FAM81A: variants seen among roughly 807,000 people sequenced by gnomAD.
FAM81A encodes the protein family with sequence similarity 81 member A.
Under a neutral mutation model 46.7 loss-of-function variants are expected in FAM81A, and 19 were observed. The observed-to-expected ratio is 0.41, with a 90% CI of 0.28 to 0.60. The LOEUF (loss-of-function observed/expected upper bound fraction) is 0.60, where lower values mean the gene tolerates loss of function less well. FAM81A is among the 20% of genes least tolerant of loss of function. FAM81A has a pLI of 0.34. For synonymous variants in FAM81A, 183 were observed against 152.9 expected, an observed-to-expected ratio of 1.20 and a Z score of -1.45; for missense variants, 377 against 453.5, an observed-to-expected ratio of 0.83 and a Z score of 1.53.
intron 2 of FAM81A, among the ~76,000 whole-genome samples, chr15:59,402,749 T>C (rs564304857): frequency 1.3e-4 from 20 of 151,950 alleles, no homozygotes; most frequent in Admixed American, 2.6e-4. Flanking sequence ...AGATGGGGTT[T>C]CACCATGTTA....
At chr15:59,411,971 T>G (rs2081122538) in intron 2 of FAM81A, among the ~76,000 whole-genome samples, 1 of 149,212 alleles carries the variant, frequency 6.7e-6, no homozygotes, top group African/African-American at 2.5e-5. Flanking sequence ...AGCCTTTACT[T>G]GAGTGGGCAG....
chr15:59,402,122 A>G, intron 1 of FAM81A: 1 of 358,382 alleles, frequency 2.8e-6, no homozygotes. Context: ...GTGATTTTAT[A>G]TTAACTTTGC....
At chr15:59,420,141 A>G (rs1470925214) in intron 2 of FAM81A, among the ~76,000 whole-genome samples, 1 of 152,214 alleles carries the variant, frequency 6.6e-6, no homozygotes, top group East Asian at 1.9e-4. Flanking sequence ...CCATCTAAGA[A>G]GCAGGGCAAA....
chr15:59,419,538 TC>T (rs770781223), intron 2 of FAM81A, among the ~76,000 whole-genome samples: 1 of 152,194 alleles, frequency 6.6e-6, no homozygotes, highest in East Asian at 1.9e-4. Flanking sequence ...CATTACCCTC[TC>T]TTTCATTTCT....
At chr15:59,454,324 TATC>T (rs1303953316) in intron 1 of FAM81A, among the ~76,000 whole-genome samples, 2 of 152,220 alleles carry the variant, frequency 1.3e-5, no homozygotes, top group African/African-American at 4.8e-5. Flanking sequence ...TAGTAAAAAT[TATC>T]ATTTTAATTT....
At chr15:59,513,372 T>C (rs1454337581) in intron 6 of FAM81A, among the ~76,000 whole-genome samples, 1 of 152,120 alleles carries the variant, frequency 6.6e-6, no homozygotes, top group African/African-American at 2.4e-5. Flanking sequence ...GAAGAGGAGA[T>C]GAGAGACACT....
At chr15:59,468,139 A>T (rs2081638554) in intron 3 of FAM81A, among the ~76,000 whole-genome samples, 1 of 151,962 alleles carries the variant, frequency 6.6e-6, no homozygotes, top group Non-Finnish European at 1.5e-5. Context: ...TTTCACATTG[A>T]GTTCATCAGG....
At chr15:59,502,204 T>G (rs1208798866) in intron 4 of FAM81A, among the ~76,000 whole-genome samples, 1 of 151,578 alleles carries the variant, frequency 6.6e-6, no homozygotes, top group Non-Finnish European at 1.5e-5. Flanking sequence ...TATTATACTT[T>G]AAGTTTTAGG....
chr15:59,492,505 C>A, intron 4 of FAM81A, 116 bp downstream of exon 4: 2 of 761,126 alleles, frequency 2.6e-6, no homozygotes, highest in Non-Finnish European at 4.2e-6. Context: ...TCCTTTAGTA[C>A]ATTCCCTCCC....
chr15:59,428,170 T>G (rs1428644394), intron 2 of FAM81A, among the ~76,000 whole-genome samples: 1 of 152,240 alleles, frequency 6.6e-6, no homozygotes, highest in Non-Finnish European at 1.5e-5. Context: ...TTGAGCACCT[T>G]TTCATACACC....
At chr15:59,491,969 A>AAAAAAAG (rs1271865569) in intron 3 of FAM81A, among the ~76,000 whole-genome samples, 2 of 148,458 alleles carry the variant, frequency 1.3e-5, no homozygotes, top group African/African-American at 2.5e-5. Flanking sequence ...CCATCTCAAA[A>AAAAAAAG]AAAAAAGAAA....
intron 3 of FAM81A, among the ~76,000 whole-genome samples, chr15:59,491,006 G>A (rs1310732354): frequency 1.3e-5 from 2 of 152,122 alleles, no homozygotes; most frequent in Non-Finnish European, 2.9e-5. Flanking sequence ...ACACTTTGGA[G>A]GTACCTCACA....
chr15:59,450,870 C>T lies in FAM81A; in HGVS notation c.-77-7680C>T, dbSNP rs552131531. On this transcript the variant is annotated intron_variant, in intron 1 of 8. Transcript: ENST00000288228. Reference sequence around the variant, plus strand: ...CCTATGTAGTTTGGTATTAGAACCCCAGCTGACTCCAACTGCCCACTGAGT... The same window carrying T: ...CCTATGTAGTTTGGTATTAGAACCCTAGCTGACTCCAACTGCCCACTGAGT... 2.0e-5 allele frequency among the ~76,000 whole-genome samples: 3 copies of T among 152,280 alleles called. No individual in the cohort carries two copies. The South Asian group carries it at 6.2e-4, about 32-fold the overall frequency.
At chr15:59,476,144 T>C (rs1295800562) in intron 3 of FAM81A, among the ~76,000 whole-genome samples, 2 of 152,104 alleles carry the variant, frequency 1.3e-5, no homozygotes, top group Non-Finnish European at 2.9e-5. Context: ...TTCGTGAAGA[T>C]TCTACCCTCA....
chr15:59,410,758 A>G (rs1410983482), intron 2 of FAM81A, among the ~76,000 whole-genome samples: 1 of 152,226 alleles, frequency 6.6e-6, no homozygotes, highest in Non-Finnish European at 1.5e-5. Context: ...TCTTTGAGAC[A>G]GTGTCTTGCT....
Position 59,512,869 on chromosome 15 carries a change from G to T in FAM81A, c.651-1420G>T, listed in dbSNP as rs1033843652. ...TTTTTAAAGATAGGACTGGAAAGGC[G>T]TGCTTATGACTTTGATGCATCATGA... On this transcript the variant is annotated intron_variant, in intron 6 of 8. Coordinates refer to ENST00000288228, the MANE Select transcript of FAM81A (RefSeq NM_152450.3). 2.6e-5 allele frequency among the ~76,000 whole-genome samples: 4 copies of T among 152,204 alleles called. No homozygotes were observed. In the South Asian group the frequency reaches 8.3e-4, roughly 31 times the overall value.
At position 59,521,444 on chromosome 15, in the gene FAM81A, A is replaced by G. The variant is rs1257706828; in HGVS notation, c.*66A>G. The G allele has an allele frequency of 6.6e-7, 1 of 1,516,728 alleles. No homozygotes were observed. Among genetic ancestry groups the G allele is most frequent in the Non-Finnish European group, 8.9e-7 (1 of 1,129,372 alleles). 94.0% of individuals were successfully genotyped at this position (1,516,728 alleles called of 1,614,324 possible). A position where few individuals can be genotyped will look rare whatever the true frequency, so the allele number is the denominator to read the frequency against. On this transcript the variant is annotated 3_prime_UTR_variant, in exon 9 of 9. Transcript: ENST00000288228. ...GGGGCTAGGAGCCGGATACCTCTGT[A>G]GCCAGGCCATCGCTGCATTCAGGAT...
At chr15:59,409,812 T>C (rs1407246955) in intron 2 of FAM81A, among the ~76,000 whole-genome samples, 1 of 152,110 alleles carries the variant, frequency 6.6e-6, no homozygotes. Context: ...TTAGCCTCAC[T>C]TTACAAAAAA....
At chr15:59,499,569 G>A (rs964737245) in intron 4 of FAM81A, among the ~76,000 whole-genome samples, 18 of 152,036 alleles carry the variant, frequency 1.2e-4, no homozygotes, top group African/African-American at 4.3e-4. Flanking sequence ...ACTTCGTTTG[G>A]TATTTCTTCT....
Sources: gnomAD v4.1 joint callset for allele counts (sites outside exome capture counted in the v4.1 genomes callset) on GRCh38, gnomAD v4.1.1 for gene constraint, MANE v1.5 for transcripts, NCBI Gene and HGNC (gene_info 2026-07-23, HGNC 2026-07-21) for gene names.